SMPD3: variants seen among roughly 807,000 people sequenced by gnomAD.
SMPD3 encodes the protein sphingomyelin phosphodiesterase 3.
A neutral mutation model predicts 55.7 loss-of-function variants in SMPD3; 21 were observed. The observed-to-expected ratio is 0.38, with a 90% CI of 0.27 to 0.54. SMPD3 has a LOEUF of 0.54. SMPD3 is among the 20% of genes least tolerant of loss of function. The pLI is 0.80. For missense variants in SMPD3, 842 were observed against 899.6 expected, an observed-to-expected ratio of 0.94 and a Z score of 0.82; for synonymous variants, 457 against 404.3, an observed-to-expected ratio of 1.13 and a Z score of -1.56.
chr16:68,360,342 T>G lies in SMPD3; in HGVS notation c.*864A>C, dbSNP rs1210091226. On this transcript the variant is annotated 3_prime_UTR_variant, in exon 9 of 9. Transcript: ENST00000219334. ...CCCCGTTTATGCTGTGAGTCCCTTCTTCCTGTAAAAAAAAAAGTGGATACT... is the reference window on the plus strand; with the variant it reads ...CCCCGTTTATGCTGTGAGTCCCTTCGTCCTGTAAAAAAAAAAGTGGATACT... 1.9e-5 allele frequency: 2 copies of G among 103,026 alleles called. No homozygotes were observed. The highest frequency in any genetic ancestry group is 4.1e-5 in the Non-Finnish European group (2 of 48,814). The allele number at this position is 103,026 out of a possible 1,614,324, so 6.4% of individuals were successfully genotyped here. A position where few individuals can be genotyped will look rare whatever the true frequency, so the allele number is the denominator to read the frequency against.
At position 68,371,639 on chromosome 16, in the gene SMPD3, G is replaced by A. The variant is rs112832112; in HGVS notation, c.543C>T (p.Ala181=). 307 of 1,564,628 alleles carry A rather than the reference G, an allele frequency of 2.0e-4. 2 individuals carry two copies. The highest frequency in any genetic ancestry group is 1.6e-3 in the South Asian group (133 of 82,838). ...IDSPTNTSIS[A]ASFSSLVSPQ... The stretch of plus-strand genomic sequence containing the variant: ...GTGACACCAGGCTGCTGAAGCTAGC[G>A]GCGCTGATGGAGGTATTGGTGGGGG... Residue 181 remains alanine, a synonymous_variant, in exon 3 of 9, where the codon GCC becomes GCT. Transcript: ENST00000219334.
chr16:68,371,705 G>C lies in SMPD3; in HGVS notation c.477C>G (p.Arg159=), dbSNP rs750679849. Residue 159 remains arginine, a synonymous_variant, in exon 3 of 9, where the codon CGC becomes CGG. Transcript: ENST00000219334. ...TGATCTGGGGCCGGGCGGCCCCATTGCGGATTCTCTGCCCGATCTCCTTGG... is the reference window on the plus strand; with the variant it reads ...TGATCTGGGGCCGGGCGGCCCCATTCCGGATTCTCTGCCCGATCTCCTTGG... ...ARAKEIGQRI[R]NGAARPQIKI... The C allele has an allele frequency of 6.3e-7, 1 of 1,585,234 alleles. No homozygotes were observed.
In SMPD3 at chr16:68,363,709, C is replaced by T. The variant is rs1350867978; in HGVS notation, c.1645+68G>A. 4 of 1,489,270 alleles carry T rather than the reference C, an allele frequency of 2.7e-6. No homozygotes were observed. The Admixed American group carries it at 7.8e-5, about 29-fold the overall frequency. The allele number at this position is 1,489,270 out of a possible 1,614,324, so 92.3% of individuals were successfully genotyped here. On this transcript the variant is annotated intron_variant, in intron 6 of 8. Coordinates refer to ENST00000219334, the MANE Select transcript of SMPD3 (RefSeq NM_018667.4). ...AGCAGTGGGGTCTTGTGGGGTAGGTCCTGGTGATCTTTGAGGGAAGTCTGT... is the reference window on the plus strand; with the variant it reads ...AGCAGTGGGGTCTTGTGGGGTAGGTTCTGGTGATCTTTGAGGGAAGTCTGT...
chr16:68,432,884 A>G (rs987089436), intron 1 of SMPD3, among the ~76,000 whole-genome samples: 1 of 152,082 alleles, frequency 6.6e-6, no homozygotes, highest in African/African-American at 2.4e-5. Context: ...GGCTCACTAC[A>G]TCTCAACCTC....
rs2090405356 is a variant in SMPD3 at position 68,422,706 on chromosome 16, A to G, written c.-269+25647T>C. On this transcript the variant is annotated intron_variant, in intron 1 of 8. Transcript: ENST00000219334. ...GATGACTGCAAATTGCTTCCCATGC[A>G]GTCTCCTTATTTTAACCTCCAGGGA... 1.3e-5 allele frequency among the ~76,000 whole-genome samples: 2 copies of G among 152,160 alleles called. 1 individual carries two copies. The highest frequency in any genetic ancestry group is 4.1e-4 in the South Asian group (2 of 4,828).
intron 1 of SMPD3, among the ~76,000 whole-genome samples, chr16:68,420,734 G>T (rs947852425): frequency 1.3e-5 from 2 of 152,174 alleles, no homozygotes; most frequent in African/African-American, 2.4e-5. Flanking sequence ...CACCTCACTT[G>T]GTGCTGTCAC....
intron 1 of SMPD3, among the ~76,000 whole-genome samples, chr16:68,392,267 C>T (rs888125165): frequency 6.6e-5 from 10 of 152,068 alleles, no homozygotes; most frequent in Non-Finnish European, 8.8e-5. Flanking sequence ...TTGACCTTTT[C>T]TTTTTATTAT....
intron 1 of SMPD3, among the ~76,000 whole-genome samples, chr16:68,436,033 A>G (rs2090520624): frequency 6.6e-6 from 1 of 152,168 alleles, no homozygotes; most frequent in African/African-American, 2.4e-5. Flanking sequence ...GGTCCCAAAA[A>G]ACAAGTGCCG....
intron 1 of SMPD3, among the ~76,000 whole-genome samples, chr16:68,442,463 G>T (rs1030623629): frequency 3.9e-5 from 6 of 152,236 alleles, no homozygotes; most frequent in Non-Finnish European, 8.8e-5. Context: ...GCCCAGCGCT[G>T]TGGCTGACAC....
intron 1 of SMPD3, among the ~76,000 whole-genome samples, chr16:68,431,858 G>T (rs1310572261): frequency 6.6e-6 from 1 of 152,160 alleles, no homozygotes; most frequent in Admixed American, 6.5e-5. Flanking sequence ...GCAGGTGGAG[G>T]TTGCAGTGAG....
At chr16:68,391,815 T>G (rs572537711) in intron 1 of SMPD3, among the ~76,000 whole-genome samples, 2 of 152,362 alleles carry the variant, frequency 1.3e-5, no homozygotes, top group Admixed American at 6.5e-5. Context: ...ACTGTGTGGC[T>G]GCATTTGCAG....
At chr16:68,437,456 C>T (rs984437883) in intron 1 of SMPD3, among the ~76,000 whole-genome samples, 1 of 152,218 alleles carries the variant, frequency 6.6e-6, no homozygotes, top group Non-Finnish European at 1.5e-5. Context: ...TGTCATTTCT[C>T]ATTAGTTATA....
At chr16:68,378,799 G>T (rs2089883203) in intron 2 of SMPD3, among the ~76,000 whole-genome samples, 1 of 152,188 alleles carries the variant, frequency 6.6e-6, no homozygotes, top group Non-Finnish European at 1.5e-5. Flanking sequence ...GGGCCCTTTA[G>T]GAAAGAGGCC....
intron 1 of SMPD3, among the ~76,000 whole-genome samples, chr16:68,427,527 C>T (rs964062363): frequency 3.9e-4 from 60 of 152,332 alleles, no homozygotes; most frequent in African/African-American, 1.4e-3. Flanking sequence ...TGTAGCCACA[C>T]ATGGTTATCA....
chr16:68,365,116 T>C (rs771221844), intron 3 of SMPD3, 24 bp from the exon 4 acceptor site: 1 of 1,612,318 alleles, frequency 6.2e-7, no homozygotes, highest in Non-Finnish European at 8.5e-7. Flanking sequence ...GGGTCAGTGC[T>C]GCCACCTGCC....
intron 1 of SMPD3, among the ~76,000 whole-genome samples, chr16:68,388,873 T>A (rs1454933072): frequency 6.6e-6 from 1 of 152,124 alleles, no homozygotes; most frequent in African/African-American, 2.4e-5. Context: ...CCCCCTATCC[T>A]TTCACGAACC....
intron 5 of SMPD3, chr16:68,364,327 CCT>C (rs764575609): frequency 4.5e-6 from 1 of 223,614 alleles, no homozygotes; most frequent in Non-Finnish European, 8.8e-6. Flanking sequence ...GGTTCTCCAG[CCT>C]CTCTGAGTCT....
chr16:68,396,360 C>T (rs569787148), intron 1 of SMPD3, among the ~76,000 whole-genome samples: 2 of 152,344 alleles, frequency 1.3e-5, no homozygotes, highest in South Asian at 2.1e-4. Context: ...TCCTCAGTCT[C>T]GTTTCTGCCC....
intron 1 of SMPD3, among the ~76,000 whole-genome samples, chr16:68,406,972 G>C (rs1459766114): frequency 6.6e-6 from 1 of 152,170 alleles, no homozygotes; most frequent in Non-Finnish European, 1.5e-5. Flanking sequence ...TTGCCTGGGG[G>C]AATCTTGTAA....
Sources: gnomAD v4.1 joint callset for allele counts (sites outside exome capture counted in the v4.1 genomes callset) on GRCh38, gnomAD v4.1.1 for gene constraint, MANE v1.5 for transcripts, NCBI Gene and HGNC (gene_info 2026-07-23, HGNC 2026-07-21) for gene names.